Variants in ELOVL7 observed in about 807,000 individuals in gnomAD.
ELOVL7 encodes the protein ELOVL fatty acid elongase 7, also known as very long chain fatty acid elongase 7.
A neutral mutation model predicts 35.7 loss-of-function variants in ELOVL7; 27 were observed. That is an observed-to-expected ratio of 0.76 (90% CI 0.56 to 1.04). The LOEUF is 1.04. Ranked by LOEUF, ELOVL7 falls within the 50% of genes least tolerant of loss-of-function variation. ELOVL7 has a pLI of 0.00. For synonymous variants in ELOVL7, 113 were observed against 114.6 expected, an observed-to-expected ratio of 0.99 and a Z score of 0.09; for missense variants, 327 against 340.8, an observed-to-expected ratio of 0.96 and a Z score of 0.32.
At chr5:60,770,053 GA>G (rs5868255) in intron 4 of ELOVL7, among the ~76,000 whole-genome samples, 37,557 of 126,218 alleles carry the variant, frequency 0.3, 7,902 homozygotes, top group African/African-American at 0.62. Flanking sequence ...CCTTTCTGGT[GA>G]AAAAAAAAAA....
intron 1 of ELOVL7, among the ~76,000 whole-genome samples, chr5:60,837,331 GGTGGGGGT>G (rs1746884739): frequency 8.3e-6 from 1 of 120,672 alleles, no homozygotes; most frequent in Non-Finnish European, 1.8e-5. Context: ...GGGAGTGGGG[GGTGGGGGT>G]GGCGCTTGTC....
At chr5:60,782,310 A>G (rs1743304098) in intron 3 of ELOVL7, among the ~76,000 whole-genome samples, 1 of 152,216 alleles carries the variant, frequency 6.6e-6, no homozygotes, top group Admixed American at 6.5e-5. Context: ...GGGACTGTAA[A>G]TTACTATAGC....
At chr5:60,834,371 T>C (rs1746663738) in intron 1 of ELOVL7, among the ~76,000 whole-genome samples, 1 of 152,178 alleles carries the variant, frequency 6.6e-6, no homozygotes, top group Non-Finnish European at 1.5e-5. Flanking sequence ...GGTCTCCATC[T>C]CCTGACCTTG....
intron 7 of ELOVL7, among the ~76,000 whole-genome samples, chr5:60,762,217 T>TG (rs2112141949): frequency 6.7e-6 from 1 of 150,272 alleles, no homozygotes; most frequent in African/African-American, 2.5e-5. Flanking sequence ...GTATGTCGCT[T>TG]GAACCTGGGA....
intron 2 of ELOVL7, among the ~76,000 whole-genome samples, chr5:60,790,850 T>A (rs76480408): frequency 6.6e-6 from 1 of 152,200 alleles, no homozygotes; most frequent in African/African-American, 2.4e-5. Context: ...AGAGTTGTTT[T>A]GAGAACCATA....
chr5:60,778,131 C>T (rs926393251), intron 3 of ELOVL7, among the ~76,000 whole-genome samples: 3 of 152,196 alleles, frequency 2.0e-5, no homozygotes, highest in Non-Finnish European at 4.4e-5. Context: ...TGGTTCCCCT[C>T]CTTGCTTTTA....
chr5:60,752,958 T>C lies in ELOVL7; in HGVS notation c.*1666A>G, dbSNP rs1741347331. On this transcript the variant is annotated 3_prime_UTR_variant, in exon 9 of 9. Transcript: ENST00000508821. ...AACTCTGCTTCAGAAAAAAAAATAATAAATTATATATATATATGTAATTAC... is the reference window on the plus strand; with the variant it reads ...AACTCTGCTTCAGAAAAAAAAATAACAAATTATATATATATATGTAATTAC... The C allele has an allele frequency of 6.6e-6, 1 of 151,534 alleles. No homozygotes were observed. Among genetic ancestry groups the C allele is most frequent in the Non-Finnish European group, 1.5e-5 (1 of 67,910 alleles). 9.4% of individuals were successfully genotyped at this position (151,534 alleles called of 1,614,324 possible).
intron 8 of ELOVL7, among the ~76,000 whole-genome samples, chr5:60,755,185 A>G (rs2112112952): frequency 6.6e-6 from 1 of 152,374 alleles, no homozygotes; most frequent in Non-Finnish European, 1.5e-5. Flanking sequence ...ATGACCATGC[A>G]CTACATGTGG....
At chr5:60,796,203 C>T (rs1744251683) in intron 2 of ELOVL7, among the ~76,000 whole-genome samples, 1 of 152,190 alleles carries the variant, frequency 6.6e-6, no homozygotes, top group South Asian at 2.1e-4. Flanking sequence ...TCTGTTTTCT[C>T]ACTGGAACTG....
chr5:60,773,033 A>C (rs2112184877), intron 3 of ELOVL7, among the ~76,000 whole-genome samples: 1 of 152,286 alleles, frequency 6.6e-6, no homozygotes, highest in Non-Finnish European at 1.5e-5. Flanking sequence ...GAGCAAAAAA[A>C]ATGCACGGTC....
intron 3 of ELOVL7, among the ~76,000 whole-genome samples, chr5:60,785,621 A>G (rs1743527328): frequency 6.6e-6 from 1 of 152,228 alleles, no homozygotes; most frequent in Non-Finnish European, 1.5e-5. Flanking sequence ...CTCCTTGAAA[A>G]GCAATGAAAA....
intron 1 of ELOVL7, among the ~76,000 whole-genome samples, chr5:60,816,361 A>G (rs969517080): frequency 1.4e-5 from 2 of 145,146 alleles, no homozygotes; most frequent in Admixed American, 7.0e-5. Flanking sequence ...AGCCTGAGCA[A>G]CAGAGCGAGA....
chr5:60,754,874 A>G (rs1308815015), intron 8 of ELOVL7, 41 bp from the exon 9 acceptor site: 1 of 1,561,990 alleles, frequency 6.4e-7, no homozygotes, highest in Non-Finnish European at 8.8e-7. Context: ...TCAGATATGA[A>G]GAGTTAACAA....
chr5:60,808,759 G>T (rs767128328), intron 1 of ELOVL7, among the ~76,000 whole-genome samples: 1 of 152,078 alleles, frequency 6.6e-6, no homozygotes, highest in Non-Finnish European at 1.5e-5. Context: ...ACAAACAGTG[G>T]TATATCCATT....
chr5:60,756,011 A>C (rs1741519602), intron 8 of ELOVL7, among the ~76,000 whole-genome samples: 1 of 152,192 alleles, frequency 6.6e-6, no homozygotes, highest in Admixed American at 6.5e-5. Flanking sequence ...CTTAATGTAT[A>C]TTTATGACAT....
chr5:60,789,469 T>C (rs1250713535), intron 2 of ELOVL7, among the ~76,000 whole-genome samples: 1 of 152,216 alleles, frequency 6.6e-6, no homozygotes, highest in Admixed American at 6.5e-5. Flanking sequence ...AACCATTAAC[T>C]GTGTTGGCAG....
intron 1 of ELOVL7, chr5:60,843,552 G>A (rs1315133998): frequency 6.6e-6 from 1 of 152,444 alleles, no homozygotes; most frequent in Non-Finnish European, 1.5e-5. Flanking sequence ...GAGCCGAAGG[G>A]ACAGCGCCCC....
chr5:60,794,284 G>T (rs2112261910), intron 2 of ELOVL7, among the ~76,000 whole-genome samples: 1 of 152,334 alleles, frequency 6.6e-6, no homozygotes, highest in African/African-American at 2.4e-5. Flanking sequence ...TCTTCGTAGA[G>T]CAGAAATCCC....
chr5:60,812,666 CCT>C (rs370182875), intron 1 of ELOVL7, among the ~76,000 whole-genome samples: 77 of 152,220 alleles, frequency 5.1e-4, no homozygotes, highest in African/African-American at 1.6e-3. Context: ...TTAAAGGTTT[CCT>C]CTCTCACTGG....
Sources: gnomAD v4.1 joint callset for allele counts (sites outside exome capture counted in the v4.1 genomes callset) on GRCh38, gnomAD v4.1.1 for gene constraint, MANE v1.5 for transcripts, NCBI Gene and HGNC (gene_info 2026-07-23, HGNC 2026-07-21) for gene names.